Variants in SP110 observed in about 807,000 individuals in gnomAD.
SP110 encodes interferon-induced protein 41, 30kD.
In SP110, 62 loss-of-function variants were observed where a neutral mutation model predicts 92.7. That is an observed-to-expected ratio of 0.67 (90% confidence interval 0.55 to 0.83). The LOEUF (loss-of-function observed/expected upper bound fraction) is 0.83. SP110 is among the 40% of genes least tolerant of loss of function. The pLI, the probability that SP110 is intolerant of heterozygous loss-of-function variation, is 0.00. For synonymous variants in SP110, 273 were observed against 305.3 expected (o/e 0.89, Z 1.10); for missense variants, 793 against 863.9 (o/e 0.92, Z 1.03).
intron 13 of SP110, 48 bp downstream of exon 13, chr2:230,178,109 G>A (rs2041949740): frequency 8.8e-7 from 1 of 1,139,886 alleles, no homozygotes; most frequent in Non-Finnish European, 1.3e-6. Context: ...CCCTTCTAGT[G>A]AGTCCTTCAT....
rs1436957004 is a variant in SP110 at position 230,169,252 on chromosome 2, A to G, written c.2029-15T>C. 2.1e-6 allele frequency: 3 copies of G among 1,423,648 alleles called. No homozygotes were observed. Among genetic ancestry groups the G allele is most frequent in the Non-Finnish European group, 3.0e-6 (3 of 1,006,124 alleles). 88.2% of individuals were successfully genotyped at this position (1,423,648 alleles called of 1,614,324 possible). On this transcript the variant is annotated splice_polypyrimidine_tract_variant and intron_variant, in intron 18 of 18. Coordinates refer to ENST00000258381, the MANE Select transcript of SP110 (RefSeq NM_080424.4). ...AAGTCAGAAGCCTGAAAGAGAAAAA[A>G]GCAAACAAACACATTGAAGGATGAA...
At position 230,202,891 on chromosome 2, in the gene SP110, CCTT is replaced by C. The variant is rs1334503296; in HGVS notation, c.899-166_899-164del. 24 of 695,962 alleles carry C rather than the reference CCTT, an allele frequency of 3.4e-5. No individual in the cohort carries two copies. The East Asian group carries it at 6.1e-4, about 18-fold the overall frequency. The allele number at this position is 695,962 out of a possible 1,614,324, so 43.1% of individuals were successfully genotyped here. ...TCCTCCTACTTCTCTATAATTATAT[CCTT>C]CTTCTTATGTGTACCTTTCTTTGCC... On this transcript the variant is annotated intron_variant, in intron 8 of 18. Transcript: ENST00000258381.
At chr2:230,193,235 A>T (rs972284237) in intron 10 of SP110, among the ~76,000 whole-genome samples, 1 of 152,258 alleles carries the variant, frequency 6.6e-6, no homozygotes, top group Non-Finnish European at 1.5e-5. Flanking sequence ...CCTTGAATTT[A>T]TATGGGTCCT....
chr2:230,182,007 G>A (rs1439512857), intron 12 of SP110, among the ~76,000 whole-genome samples: 1 of 152,210 alleles, frequency 6.6e-6, no homozygotes, highest in Non-Finnish European at 1.5e-5. Context: ...ACCTGCATGT[G>A]TATGTTCACC....
rs1226318497 is a variant in SP110, at chr2:230,172,912, A to G, written c.1638T>C (p.Leu546=). The change falls in exon 15 of 19, where the codon CTT becomes CTC. Residue 546 remains leucine, a synonymous_variant. Transcript: ENST00000258381. ...ECEVCCQGGQ[L]LCCGTCPRVF... Reference sequence around the variant, plus strand: ...CTCGTGGACAAGTACCGCAGCAGAGAAGTTGTCCCCCTTGACAGCACACCT... The same window carrying G: ...CTCGTGGACAAGTACCGCAGCAGAGGAGTTGTCCCCCTTGACAGCACACCT... 1 of 1,614,150 alleles carries G rather than the reference A, an allele frequency of 6.2e-7. No individual in the cohort carries two copies. Among genetic ancestry groups the G allele is most frequent in the Admixed American group, 1.7e-5 (1 of 60,030 alleles).
chr2:230,212,304 C>T, intron 5 of SP110, 43 bp downstream of exon 5: 1 of 1,430,310 alleles, frequency 7.0e-7, no homozygotes, highest in Non-Finnish European at 9.9e-7. Context: ...TCTCCCTTCA[C>T]AGTCACCTTG....
upstream of SP110, chr2:230,221,731 A>G: frequency 6.5e-7 from 1 of 1,536,084 alleles, no homozygotes; most frequent in Non-Finnish European, 8.7e-7. Context: ...TCACCTGGAA[A>G]GCCCCTTCAT....
chr2:230,185,470 T>C (rs2042315861), intron 11 of SP110, among the ~76,000 whole-genome samples: 1 of 152,212 alleles, frequency 6.6e-6, no homozygotes, highest in African/African-American at 2.4e-5. Flanking sequence ...CACATCTTGT[T>C]ATTTCTAGTG....
chr2:230,186,040 C>A lies in SP110; in HGVS notation c.1233G>T (p.Arg411Ser). 2 of 1,614,050 alleles carry A rather than the reference C, an allele frequency of 1.2e-6. No individual in the cohort carries two copies. The highest frequency in any genetic ancestry group is 1.7e-6 in the Non-Finnish European group (2 of 1,179,956). ...DSTWNSEVMM[R>S]VQKARTKCAR... ...CACATTTAGTTCTTGCCTTTTGGAC[C>A]CTCATCATGACCTCTGAGTTCCAGG... Residue 411 changes from arginine to serine, a missense_variant, in exon 11 of 19, where the codon AGG becomes AGT. Transcript: ENST00000258381.
In SP110 at chr2:230,202,592, C is replaced by T; in HGVS notation, c.1035G>A (p.Lys345=). 2 of 1,614,184 alleles carry T rather than the reference C, an allele frequency of 1.2e-6. No individual in the cohort carries two copies. Among genetic ancestry groups the T allele is most frequent in the South Asian group, 1.1e-5 (1 of 91,080 alleles). The part of the protein sequence containing the change: ...AQKARTECAR[K]SRSEEIIDGT... The stretch of plus-strand genomic sequence containing the variant: ...CATCAGCCTTACCCTCTGATCTCGA[C>T]TTTCGGGCACATTCAGTTCTCGCCT... The change falls in exon 9 of 19, where the codon AAG becomes AAA. Residue 345 remains lysine, a synonymous_variant. Coordinates refer to ENST00000258381, the MANE Select transcript of SP110 (RefSeq NM_080424.4).
In SP110 at chr2:230,172,963, C is replaced by T. The variant is rs773822608; in HGVS notation, c.1591-4G>A. ...CGCATTCATCCGAGTTTTTCCGCTGCAAGGGCAGATAACGTGGGCACCGCT... is the reference window on the plus strand; with the variant it reads ...CGCATTCATCCGAGTTTTTCCGCTGTAAGGGCAGATAACGTGGGCACCGCT... On this transcript the variant is annotated splice_region_variant and splice_polypyrimidine_tract_variant and intron_variant, in intron 14 of 18. Transcript: ENST00000258381. 1.3e-5 allele frequency: 21 copies of T among 1,605,076 alleles called. No homozygotes were observed. The highest frequency in any genetic ancestry group is 1.7e-5 in the Non-Finnish European group (20 of 1,171,902).
rs1196665731 is a variant in SP110, at chr2:230,171,678, C to T, written c.1887+18G>A. Reference sequence around the variant, plus strand: ...TCCAAATGCATTTTATGCAAGAGAACCGTAAAATGTGACTTACATTAAATG... The same window carrying T: ...TCCAAATGCATTTTATGCAAGAGAATCGTAAAATGTGACTTACATTAAATG... On this transcript the variant is annotated intron_variant, in intron 17 of 18. Coordinates refer to ENST00000258381, the MANE Select transcript of SP110 (RefSeq NM_080424.4). 6.3e-7 allele frequency: 1 copy of T among 1,596,722 alleles called. No homozygotes were observed. Among genetic ancestry groups the T allele is most frequent in the South Asian group, 1.1e-5 (1 of 90,766 alleles).
At chr2:230,186,203 A>T in intron 10 of SP110, 60 bp from the exon 11 acceptor site, 2 of 1,538,464 alleles carry the variant, frequency 1.3e-6, no homozygotes, top group Non-Finnish European at 9.0e-7. Flanking sequence ...CCCAGCCCCT[A>T]CCCTTTCAGG....
At chr2:230,171,508 G>A (rs777341869) in intron 17 of SP110, 188 bp downstream of exon 17, 5 of 640,392 alleles carry the variant, frequency 7.8e-6, no homozygotes, top group Non-Finnish European at 1.4e-5. Context: ...GAGCAGTGGG[G>A]TGGAGTTTGA....
At chr2:230,212,489 GA>G in intron 4 of SP110, 59 bp from the exon 5 acceptor site, 1 of 1,376,638 alleles carries the variant, frequency 7.3e-7, no homozygotes, top group Non-Finnish European at 1.0e-6. Context: ...GGAGAAGAGT[GA>G]ATGTTAAAAG....
intron 14 of SP110, among the ~76,000 whole-genome samples, chr2:230,174,889 C>A (rs1357819018): frequency 6.6e-6 from 1 of 152,214 alleles, no homozygotes; most frequent in Non-Finnish European, 1.5e-5. Context: ...GTCGGGTAAA[C>A]CTTCATCTTA....
rs187330255 is a variant in SP110 at position 230,207,730 on chromosome 2, A to G, written c.898+261T>C. 2.8e-4 allele frequency among the ~76,000 whole-genome samples: 43 copies of G among 152,210 alleles called. No individual in the cohort carries two copies. The East Asian group carries it at 6.2e-3, about 22-fold the overall frequency. On this transcript the variant is annotated intron_variant, in intron 8 of 18. Transcript: ENST00000258381. ...AATTGGCACTCTTCTCTGCATCTCC[A>G]CTGTCAGATCTGAATCCAAGCCACC... is the stretch of plus-strand genomic sequence containing the variant.
rs2044078307 is a variant in SP110, at chr2:230,208,112, G to A, written c.830-53C>T. On this transcript the variant is annotated intron_variant, in intron 7 of 18. Coordinates refer to ENST00000258381, the MANE Select transcript of SP110 (RefSeq NM_080424.4). ...TTACAAACATTGATCTCCCAATCTTGTATGTCAATGATATTCAGCTTTTAC... is the reference window on the plus strand; with the variant it reads ...TTACAAACATTGATCTCCCAATCTTATATGTCAATGATATTCAGCTTTTAC... 3 of 999,650 alleles carry A rather than the reference G, an allele frequency of 3.0e-6. No homozygotes were observed. In the South Asian group the frequency reaches 4.0e-5, roughly 13 times the overall value. The allele number at this position is 999,650 out of a possible 1,614,324, so 61.9% of individuals were successfully genotyped here.
At chr2:230,202,961 T>G (rs2043327088) in intron 8 of SP110, 1 of 562,048 alleles carries the variant, frequency 1.8e-6, no homozygotes, top group Non-Finnish European at 3.2e-6. Context: ...TATGACCTGT[T>G]GCAATCAACT....
Sources: gnomAD v4.1 joint callset for allele counts (sites outside exome capture counted in the v4.1 genomes callset) on GRCh38, gnomAD v4.1.1 for gene constraint, MANE v1.5 for transcripts, NCBI Gene and HGNC (gene_info 2026-07-23, HGNC 2026-07-21) for gene names.